SEZ6L: variants seen among roughly 807,000 people sequenced by gnomAD.
SEZ6L encodes the protein seizure 6-like protein.
SEZ6L carries 37 observed loss-of-function variants against 106.2 expected under a neutral mutation model. The observed-to-expected ratio is 0.35, with a 90% CI of 0.27 to 0.46. The LOEUF is 0.46. SEZ6L is among the 20% of genes least tolerant of loss of function. SEZ6L has a pLI of 1.00. For missense variants in SEZ6L, 1,172 were observed against 1,332.8 expected (o/e 0.88, Z 1.88); for synonymous variants, 541 against 570.4 (o/e 0.95, Z 0.73).
intron 1 of SEZ6L, among the ~76,000 whole-genome samples, chr22:26,191,383 C>T (rs1940194677): frequency 6.6e-6 from 1 of 152,176 alleles, no homozygotes; most frequent in South Asian, 2.1e-4. Flanking sequence ...GGTACATATA[C>T]ACCATGGAAT....
chr22:26,287,871 G>C (rs141337394), intron 1 of SEZ6L, among the ~76,000 whole-genome samples: 1 of 152,316 alleles, frequency 6.6e-6, no homozygotes, highest in Non-Finnish European at 1.5e-5. Context: ...GGGGATAGTA[G>C]GGACTGAGAG....
At chr22:26,302,774 A>G (rs1022718410) in intron 5 of SEZ6L, among the ~76,000 whole-genome samples, 1 of 152,206 alleles carries the variant, frequency 6.6e-6, no homozygotes, top group Non-Finnish European at 1.5e-5. Context: ...AGAAAGATGG[A>G]TGGGGAGCCA....
At chr22:26,304,385 A>AAAGAAAGAAAGAAAGAAAGAAAGAAAG (rs1569454398) in intron 5 of SEZ6L, among the ~76,000 whole-genome samples, 66 of 112,344 alleles carry the variant, frequency 5.9e-4, no homozygotes, top group African/African-American at 2.2e-3. Context: ...AGAAAGAAAG[A>AAAGAAAGAAAGAAAGAAAGAAAGAAAG]AAGAAAGAAA....
At chr22:26,219,248 A>T (rs1340749653) in intron 1 of SEZ6L, among the ~76,000 whole-genome samples, 1 of 128,522 alleles carries the variant, frequency 7.8e-6, no homozygotes, top group African/African-American at 3.0e-5. Context: ...TGTTCGAGAA[A>T]TACAAGTTTT....
chr22:26,302,470 A>G (rs1390930083), intron 5 of SEZ6L, among the ~76,000 whole-genome samples: 1 of 152,198 alleles, frequency 6.6e-6, no homozygotes, highest in Non-Finnish European at 1.5e-5. Flanking sequence ...GCCACCTACT[A>G]TGTGCCAGGC....
At chr22:26,275,407 G>T (rs964593169) in intron 1 of SEZ6L, among the ~76,000 whole-genome samples, 2 of 152,200 alleles carry the variant, frequency 1.3e-5, no homozygotes, top group Non-Finnish European at 2.9e-5. Context: ...TGTATTAAAT[G>T]CATTTTCAAC....
chr22:26,319,935 A>T (rs2082109105), intron 9 of SEZ6L, among the ~76,000 whole-genome samples: 1 of 152,194 alleles, frequency 6.6e-6, no homozygotes, highest in Non-Finnish European at 1.5e-5. Context: ...GCTGGCTATG[A>T]TGCACGTGGA....
rs186168694 is a variant in SEZ6L, at chr22:26,171,326, C to A, written c.94+1563C>A. Reference sequence around the variant, plus strand: ...CATGGCCTTTCTTAATTAGCTGTCTCTTTCTAACAATGGCTTGGTGGCCTT... The same window carrying A: ...CATGGCCTTTCTTAATTAGCTGTCTATTTCTAACAATGGCTTGGTGGCCTT... On this transcript the variant is annotated intron_variant, in intron 1 of 16. Transcript: ENST00000248933. Among the ~76,000 whole-genome samples, 248 of 152,280 alleles carry A rather than the reference C, an allele frequency of 1.6e-3. 2 individuals are homozygous for A. The highest frequency in any genetic ancestry group is 0.015 in the South Asian group (71 of 4,820).
chr22:26,289,971 A>G (rs2081056960), intron 1 of SEZ6L, among the ~76,000 whole-genome samples: 2 of 152,218 alleles, frequency 1.3e-5, no homozygotes, highest in African/African-American at 2.4e-5. Context: ...TGCAATGACA[A>G]GAGTAAAAAC....
intron 5 of SEZ6L, among the ~76,000 whole-genome samples, chr22:26,304,045 C>A (rs1239676393): frequency 6.6e-6 from 1 of 152,146 alleles, no homozygotes; most frequent in African/African-American, 2.4e-5. Flanking sequence ...CTGCTACCCA[C>A]CATCTCTCCT....
chr22:26,229,935 T>G (rs2078747123), intron 1 of SEZ6L, among the ~76,000 whole-genome samples: 1 of 152,198 alleles, frequency 6.6e-6, no homozygotes, highest in Non-Finnish European at 1.5e-5. Context: ...GCCCAAATTC[T>G]CTTGCTAAAA....
chr22:26,201,830 C>T (rs898985715), intron 1 of SEZ6L, among the ~76,000 whole-genome samples: 1 of 152,094 alleles, frequency 6.6e-6, no homozygotes, highest in Non-Finnish European at 1.5e-5. Context: ...GAGTAGGAGA[C>T]CAATACATAG....
intron 11 of SEZ6L, among the ~76,000 whole-genome samples, chr22:26,349,140 T>C (rs908629966): frequency 1.3e-5 from 2 of 152,162 alleles, no homozygotes; most frequent in Non-Finnish European, 2.9e-5. Context: ...TGGGACTGTT[T>C]GCATTTCCAT....
rs1491207598 is a variant in SEZ6L at position 26,348,701 on chromosome 22, A to AG, written c.2407+789dup. Among the ~76,000 whole-genome samples, 78 of 63,396 alleles carry AG rather than the reference A, an allele frequency of 1.2e-3. 2 individuals are homozygous for AG. Among genetic ancestry groups the AG allele is most frequent in the South Asian group, 3.0e-3 (4 of 1,328 alleles). 41.6% of individuals were successfully genotyped at this position (63,396 alleles called of 152,430 possible). ...AAGAAAGAAAGAAAGAAAGAAAGAA[A>AG]GAAGGCAAGGGAGGGAAGGGAGGGA... On this transcript the variant is annotated intron_variant, in intron 11 of 16. Coordinates refer to ENST00000248933, the MANE Select transcript of SEZ6L (RefSeq NM_021115.5).
chr22:26,225,914 G>A (rs1490811291), intron 1 of SEZ6L, among the ~76,000 whole-genome samples: 6 of 152,314 alleles, frequency 3.9e-5, no homozygotes, highest in African/African-American at 1.4e-4. Flanking sequence ...CTTAGTGAAC[G>A]ATATCACCAT....
intron 1 of SEZ6L, among the ~76,000 whole-genome samples, chr22:26,184,992 G>A (rs909368389): frequency 1.3e-5 from 2 of 152,208 alleles, no homozygotes; most frequent in African/African-American, 4.8e-5. Flanking sequence ...GCTGAATCAG[G>A]AGAATTGCTT....
chr22:26,291,226 G>A (rs903266231), intron 1 of SEZ6L, among the ~76,000 whole-genome samples: 31 of 152,236 alleles, frequency 2.0e-4, no homozygotes, highest in African/African-American at 7.2e-4. Flanking sequence ...TAAAGAAAAT[G>A]TGGTACATGT....
intron 15 of SEZ6L, 53 bp from the exon 16 acceptor site, chr22:26,377,620 A>G: frequency 7.1e-7 from 1 of 1,416,434 alleles, no homozygotes; most frequent in Non-Finnish European, 1.0e-6. Flanking sequence ...TCAATATTGT[A>G]ATGTTTCTCC....
intron 1 of SEZ6L, among the ~76,000 whole-genome samples, chr22:26,208,690 A>G (rs967403111): frequency 6.6e-6 from 1 of 152,142 alleles, no homozygotes; most frequent in Non-Finnish European, 1.5e-5. Context: ...ACTATGACAT[A>G]CATAGTCATA....
Sources: gnomAD v4.1 joint callset for allele counts (sites outside exome capture counted in the v4.1 genomes callset) on GRCh38, gnomAD v4.1.1 for gene constraint, MANE v1.5 for transcripts, NCBI Gene and HGNC (gene_info 2026-07-23, HGNC 2026-07-21) for gene names.